Variants in PPP4R4 observed in about 807,000 individuals in gnomAD.
PPP4R4 encodes the protein protein phosphatase 4 regulatory subunit 4.
A neutral mutation model predicts 121.8 loss-of-function variants in PPP4R4; 70 were observed. The observed-to-expected ratio is 0.57, with a 90% CI of 0.47 to 0.70. The LOEUF is 0.70. Ranked by LOEUF, PPP4R4 falls within the 30% of genes least tolerant of loss-of-function variation. PPP4R4 has a pLI of 0.00. For synonymous variants in PPP4R4, 348 were observed against 355.7 expected, an observed-to-expected ratio of 0.98 and a Z score of 0.24; for missense variants, 875 against 1,033.6, an observed-to-expected ratio of 0.85 and a Z score of 2.10.
At chr14:94,217,368 A>G (rs1468502258) in intron 3 of PPP4R4, among the ~76,000 whole-genome samples, 2 of 152,204 alleles carry the variant, frequency 1.3e-5, no homozygotes, top group African/African-American at 4.8e-5. Flanking sequence ...CTCAACTGCT[A>G]ACTAGACTGG....
chr14:94,275,302 C>T, intron 23 of PPP4R4, 72 bp from the exon 24 acceptor site: 1 of 1,524,352 alleles, frequency 6.6e-7, no homozygotes, highest in South Asian at 1.2e-5. Context: ...CTATCATTAA[C>T]CTTTTCTTCT....
chr14:94,224,666 A>G (rs1304993127), intron 3 of PPP4R4, among the ~76,000 whole-genome samples: 1 of 152,146 alleles, frequency 6.6e-6, no homozygotes, highest in Admixed American at 6.5e-5. Context: ...TGTGAGCTCA[A>G]TTTTGGACTT....
chr14:94,232,767 C>T (rs535692804), intron 5 of PPP4R4, among the ~76,000 whole-genome samples: 41 of 151,842 alleles, frequency 2.7e-4, no homozygotes, highest in East Asian at 3.9e-4. Context: ...TTAGAAATAG[C>T]GAGATTATGG....
chr14:94,196,536 AC>A (rs1160379704), intron 2 of PPP4R4, among the ~76,000 whole-genome samples: 3 of 151,388 alleles, frequency 2.0e-5, no homozygotes, highest in African/African-American at 4.9e-5. Flanking sequence ...CTGGTCTTGA[AC>A]TCCTGACCTC....
In PPP4R4 at chr14:94,265,466, A is replaced by G. The variant is rs767581890; in HGVS notation, c.2277A>G (p.Pro759=). Residue 759 remains proline, a synonymous_variant, in exon 21 of 25, where the codon CCA becomes CCG. Coordinates refer to ENST00000304338, the MANE Select transcript of PPP4R4 (RefSeq NM_058237.2). ...ISVPGPSSVT[P]STSKEIKKSK... is the part of the protein sequence containing the mutation. ...TTCCTGGACCCTCTTCTGTCACCCC[A>G]TCGACAAGTAAGAAATAACTTCTTT... The G allele has an allele frequency of 6.2e-6, 10 of 1,605,526 alleles. No homozygotes were observed. Among genetic ancestry groups the G allele is most frequent in the Admixed American group, 1.7e-5 (1 of 59,874 alleles).
intron 3 of PPP4R4, among the ~76,000 whole-genome samples, chr14:94,228,452 C>T (rs1422241272): frequency 6.6e-6 from 1 of 152,148 alleles, no homozygotes; most frequent in Non-Finnish European, 1.5e-5. Context: ...CTGACAGTGT[C>T]CCACTGTGCT....
At chr14:94,187,718 C>T (rs1227835201) in intron 2 of PPP4R4, among the ~76,000 whole-genome samples, 4 of 151,840 alleles carry the variant, frequency 2.6e-5, no homozygotes, top group African/African-American at 7.3e-5. Context: ...TTGGCTGTGA[C>T]GCTTTCTTCA....
chr14:94,267,087 C>A, intron 23 of PPP4R4, 58 bp downstream of exon 23: 1 of 1,155,028 alleles, frequency 8.7e-7, no homozygotes, highest in Non-Finnish European at 1.3e-6. Context: ...TATTATTTTC[C>A]TTAAATGACC....
chr14:94,210,248 A>G (rs1890673037), intron 3 of PPP4R4, among the ~76,000 whole-genome samples: 1 of 151,782 alleles, frequency 6.6e-6, no homozygotes, highest in Non-Finnish European at 1.5e-5. Context: ...TATCATATTT[A>G]TACAAAGAAT....
At chr14:94,209,569 G>A (rs1379026079) in intron 3 of PPP4R4, among the ~76,000 whole-genome samples, 1 of 152,048 alleles carries the variant, frequency 6.6e-6, no homozygotes, top group Non-Finnish European at 1.5e-5. Flanking sequence ...TTTTGGCATT[G>A]CATGTGATTC....
intron 3 of PPP4R4, among the ~76,000 whole-genome samples, chr14:94,226,709 G>A (rs1284609143): frequency 6.6e-6 from 1 of 152,042 alleles, no homozygotes; most frequent in Non-Finnish European, 1.5e-5. Flanking sequence ...GATCTTCAGT[G>A]TTTTAATATA....
In PPP4R4 at chr14:94,279,303, T is replaced by C. The variant is rs1894809307; in HGVS notation, c.*660T>C. 1 of 152,668 alleles carries C rather than the reference T, an allele frequency of 6.6e-6. No homozygotes were observed. The highest frequency in any genetic ancestry group is 1.5e-5 in the Non-Finnish European group (1 of 68,048). 9.5% of individuals were successfully genotyped at this position (152,668 alleles called of 1,614,324 possible). ...CTTAAAAATAATAGATTGATGATTT[T>C]CTTTATTTCCTAGAGAATTTATTTT... On this transcript the variant is annotated 3_prime_UTR_variant, in exon 25 of 25. Transcript: ENST00000304338.
chr14:94,192,652 A>G (rs1179410055), intron 2 of PPP4R4, among the ~76,000 whole-genome samples: 4 of 152,192 alleles, frequency 2.6e-5, no homozygotes, highest in Non-Finnish European at 5.9e-5. Context: ...CTCTATAACT[A>G]CAAACATTTG....
chr14:94,233,576 C>A, intron 5 of PPP4R4, 77 bp from the exon 6 acceptor site: 2 of 889,296 alleles, frequency 2.2e-6, no homozygotes, highest in Non-Finnish European at 3.6e-6. Context: ...CTTTAAAATA[C>A]TCTGAAGGAA....
At chr14:94,223,919 A>C (rs1473121848) in intron 3 of PPP4R4, among the ~76,000 whole-genome samples, 3 of 152,150 alleles carry the variant, frequency 2.0e-5, no homozygotes, top group Admixed American at 6.5e-5. Flanking sequence ...AGATCAACTG[A>C]TTGTTTTCTA....
At chr14:94,235,965 A>G (rs1892324599) in intron 7 of PPP4R4, among the ~76,000 whole-genome samples, 2 of 152,140 alleles carry the variant, frequency 1.3e-5, no homozygotes, top group South Asian at 2.1e-4. Context: ...GATTGTGGTC[A>G]TTGGTACCTT....
intron 23 of PPP4R4, among the ~76,000 whole-genome samples, chr14:94,267,951 A>C (rs1265346440): frequency 6.6e-6 from 1 of 152,214 alleles, no homozygotes; most frequent in African/African-American, 2.4e-5. Flanking sequence ...TCTTTCTAGC[A>C]TTAAAGCATC....
At chr14:94,265,050 G>C (rs1472297597) in intron 20 of PPP4R4, 103 bp downstream of exon 20, 1 of 1,053,930 alleles carries the variant, frequency 9.5e-7, no homozygotes, top group African/African-American at 1.6e-5. Flanking sequence ...ATGGAAAATT[G>C]CTTTACTTTC....
In PPP4R4 at chr14:94,177,440, C is replaced by G. The variant is rs531735590; in HGVS notation, c.191+1313C>G. On this transcript the variant is annotated intron_variant, in intron 2 of 24. Coordinates refer to ENST00000304338, the MANE Select transcript of PPP4R4 (RefSeq NM_058237.2). ...ATATTTGGAATACTTTATTCCTTAA[C>G]AATTAACATGTTTATTATGATGAAC... Among the ~76,000 whole-genome samples the G allele has an allele frequency of 3.3e-5, 5 of 152,284 alleles. No individual in the cohort carries two copies. The South Asian group carries it at 1.0e-3, about 32-fold the overall frequency.
Sources: allele counts gnomAD v4.1 joint callset (sites outside exome capture counted in the v4.1 genomes callset), GRCh38; gene constraint gnomAD v4.1.1; transcripts MANE v1.5; gene names NCBI Gene and HGNC (gene_info 2026-07-23, HGNC 2026-07-21).